The following PTPDC1 variants were observed in gnomAD, a reference collection of about 807,000 sequenced individuals.
PTPDC1 encodes protein tyrosine phosphatase domain containing 1.
In PTPDC1, 53 loss-of-function variants were observed where a neutral mutation model predicts 75.3. The ratio of observed to expected loss-of-function variants is 0.70; its 90% CI spans 0.56 to 0.88. The LOEUF (loss-of-function observed/expected upper bound fraction) is 0.88, where lower values mean the gene tolerates loss of function less well. PTPDC1 is among the 40% of genes least tolerant of loss of function. The pLI is 0.00. For synonymous variants in PTPDC1, 349 were observed against 366.2 expected (o/e 0.95, Z 0.54); for missense variants, 925 against 998.6 (o/e 0.93, Z 0.99).
At chr9:94,092,295 G>T (rs373452917) in intron 4 of PTPDC1, among the ~76,000 whole-genome samples, 91 of 141,172 alleles carry the variant, frequency 6.4e-4, no homozygotes, top group African/African-American at 2.3e-3. Flanking sequence ...CTTTGTTCTC[G>T]TTGGTTTCAA....
At position 94,089,236 on chromosome 9, in the gene PTPDC1, C is replaced by T. The variant is rs1413409018; in HGVS notation, c.616+973C>T. On this transcript the variant is annotated intron_variant, in intron 4 of 8. Transcript: ENST00000620992. ...CAATGCTATCCCTCCCCCCTCCCCCCACCCCACAACAGTCCCCAGAGTGTG... is the reference window on the plus strand; with the variant it reads ...CAATGCTATCCCTCCCCCCTCCCCCTACCCCACAACAGTCCCCAGAGTGTG... 1.9e-3 allele frequency among the ~76,000 whole-genome samples: 217 copies of T among 116,942 alleles called. 1 individual carries two copies. Among genetic ancestry groups the T allele is most frequent in the African/African-American group, 6.8e-3 (208 of 30,740 alleles). 76.7% of individuals were successfully genotyped at this position (116,942 alleles called of 152,430 possible). A position where few individuals can be genotyped will look rare whatever the true frequency, so the allele number is the denominator to read the frequency against.
At chr9:94,063,191 A>C (rs1362405840) in intron 1 of PTPDC1, among the ~76,000 whole-genome samples, 5 of 152,220 alleles carry the variant, frequency 3.3e-5, no homozygotes, top group Non-Finnish European at 5.9e-5. Flanking sequence ...CATGGTTCAT[A>C]ACTTCTTATA....
chr9:94,078,710 T>C (rs1429452943), intron 2 of PTPDC1, among the ~76,000 whole-genome samples: 1 of 152,218 alleles, frequency 6.6e-6, no homozygotes, highest in Non-Finnish European at 1.5e-5. Flanking sequence ...CTATCAGTCT[T>C]ATCTTCAGGT....
intron 1 of PTPDC1, among the ~76,000 whole-genome samples, chr9:94,052,297 A>G (rs1189227949): frequency 6.6e-6 from 1 of 152,072 alleles, no homozygotes; most frequent in African/African-American, 2.4e-5. Flanking sequence ...TCAGTTATTG[A>G]TTCAGTTTAA....
chr9:94,034,513 T>C (rs576780419), intron 1 of PTPDC1, among the ~76,000 whole-genome samples: 8 of 152,186 alleles, frequency 5.3e-5, no homozygotes, highest in Admixed American at 2.6e-4. Flanking sequence ...GCCTGGACAA[T>C]AGAGTGAGAC....
intron 2 of PTPDC1, among the ~76,000 whole-genome samples, chr9:94,073,114 C>T (rs893219755): frequency 3.9e-5 from 6 of 152,198 alleles, no homozygotes; most frequent in East Asian, 1.9e-4. Context: ...TTTAAATGTT[C>T]GGTAGCATTC....
chr9:94,052,479 C>A (rs1053682826), intron 1 of PTPDC1, among the ~76,000 whole-genome samples: 19 of 152,182 alleles, frequency 1.2e-4, no homozygotes, highest in African/African-American at 4.6e-4. Flanking sequence ...GTTGATAGTG[C>A]TGTTCAAGTC....
chr9:94,046,594 T>C lies in PTPDC1; in HGVS notation c.-7+15467T>C, dbSNP rs1362746554. Among the ~76,000 whole-genome samples, 6 of 152,190 alleles carry C rather than the reference T, an allele frequency of 3.9e-5. No homozygotes were observed. In the South Asian group the frequency reaches 1.2e-3, roughly 32 times the overall value. On this transcript the variant is annotated intron_variant, in intron 1 of 9. Transcript: ENST00000375360. Reference sequence around the variant, plus strand: ...TAAGTTGGATTCCTAGGTATTTTATTCTCTTTGAAGCAGTTGTGAATGGGA... The same window carrying C: ...TAAGTTGGATTCCTAGGTATTTTATCCTCTTTGAAGCAGTTGTGAATGGGA...
chr9:94,038,164 T>C (rs1825327506), intron 1 of PTPDC1: 2 of 662,064 alleles, frequency 3.0e-6, no homozygotes, highest in African/African-American at 1.8e-5. Flanking sequence ...GTCAGGCCGT[T>C]GGATTCTCTT....
intron 8 of PTPDC1, 100 bp downstream of exon 8, chr9:94,104,485 G>A (rs1827950172): frequency 2.9e-6 from 2 of 683,214 alleles, no homozygotes; most frequent in Non-Finnish European, 5.1e-6. Context: ...AATAAAACAT[G>A]TATGTGTATG....
intron 1 of PTPDC1, among the ~76,000 whole-genome samples, chr9:94,037,349 TC>T (rs1330158472): frequency 2.0e-5 from 3 of 152,308 alleles, no homozygotes; most frequent in Admixed American, 2.0e-4. Context: ...TGTTTTCTTC[TC>T]AAAGTAATAT....
chr9:94,087,938 G>A (rs749007164), intron 3 of PTPDC1, 27 bp downstream of exon 3: 112 of 1,587,054 alleles, frequency 7.1e-5, no homozygotes, highest in African/African-American at 9.4e-5. Flanking sequence ...TCACACACGA[G>A]TGAGCAAACT....
At position 94,088,252 on chromosome 9, in the gene PTPDC1, T is replaced by C. The variant is rs1827148193; in HGVS notation, c.605T>C (p.Met202Thr). Residue 202 changes from methionine to threonine, a missense_variant, in exon 4 of 9, where the codon ATG (methionine) becomes ACG (threonine). Coordinates refer to ENST00000620992, the MANE Select transcript of PTPDC1 (RefSeq NM_001253829.2). ...TTCACATACCTTCCTGAGGCTTTCA[T>C]GGAGGCTGGCAGTAAGTTCCTCCCA... ...SGFTYLPEAF[M>T]EAGIYFYNFG... The C allele has an allele frequency of 6.2e-7, 1 of 1,613,736 alleles. No individual in the cohort carries two copies. The highest frequency in any genetic ancestry group is 1.3e-5 in the African/African-American group (1 of 74,922).
chr9:94,102,559 GTTTGTT>G (rs762226022), intron 7 of PTPDC1, among the ~76,000 whole-genome samples: 4 of 151,762 alleles, frequency 2.6e-5, no homozygotes, highest in African/African-American at 7.3e-5. Context: ...TTAAAACAGG[GTTTGTT>G]TTTGTTTTTG....
At chr9:94,054,385 A>G (rs186735028) in intron 1 of PTPDC1, among the ~76,000 whole-genome samples, 5 of 152,204 alleles carry the variant, frequency 3.3e-5, no homozygotes, top group Admixed American at 3.3e-4. Flanking sequence ...CATCTTTACA[A>G]TGATCCAGTA....
chr9:94,085,339 G>T lies in PTPDC1; in HGVS notation c.333G>T (p.Ala111=). The change falls in exon 2 of 9, where the codon GCG becomes GCT. Residue 111 remains alanine, a synonymous_variant. Coordinates refer to ENST00000620992, the MANE Select transcript of PTPDC1 (RefSeq NM_001253829.2). ...VIPGHMACSM[A]CGGRACKYEN... is the part of the protein sequence containing the mutation. ...CTGGACACATGGCATGTTCCATGGC[G>T]TGTGGCGGTAGAGCTTGCAAGTATG... The T allele has an allele frequency of 6.2e-7, 1 of 1,614,166 alleles. No individual in the cohort carries two copies. Among genetic ancestry groups the T allele is most frequent in the Non-Finnish European group, 8.5e-7 (1 of 1,179,988 alleles).
At chr9:94,069,159 G>C (rs1033929172) in intron 2 of PTPDC1, among the ~76,000 whole-genome samples, 2 of 152,126 alleles carry the variant, frequency 1.3e-5, no homozygotes, top group African/African-American at 4.8e-5. Flanking sequence ...GGTATATCAT[G>C]ATTCCCAACC....
chr9:94,043,803 A>G (rs1825506178), intron 1 of PTPDC1, among the ~76,000 whole-genome samples: 2 of 152,208 alleles, frequency 1.3e-5, no homozygotes, highest in Non-Finnish European at 1.5e-5. Context: ...TAGTTTCTGC[A>G]TTTATATTTA....
At chr9:94,040,408 T>C (rs1351265655) in intron 1 of PTPDC1, among the ~76,000 whole-genome samples, 2 of 152,178 alleles carry the variant, frequency 1.3e-5, no homozygotes, top group East Asian at 3.8e-4. Flanking sequence ...TATTCCTGTT[T>C]TAAGATCAGA....
Sources: allele counts gnomAD v4.1 joint callset (sites outside exome capture counted in the v4.1 genomes callset), GRCh38; gene constraint gnomAD v4.1.1; transcripts MANE v1.5; gene names NCBI Gene and HGNC (gene_info 2026-07-23, HGNC 2026-07-21).